Variants in PDE4D observed in about 807,000 individuals in gnomAD.
PDE4D encodes the protein phosphodiesterase 4D.
A neutral mutation model predicts 87.4 loss-of-function variants in PDE4D; 24 were observed. The observed-to-expected ratio is 0.27, with a 90% confidence interval of 0.20 to 0.39. PDE4D has a LOEUF of 0.39. PDE4D is among the 10% of genes least tolerant of loss of function. The pLI is 1.00. For missense variants in PDE4D, 714 were observed against 1,041.0 expected, an observed-to-expected ratio of 0.69 and a Z score of 4.32; for synonymous variants, 384 against 383.2, an observed-to-expected ratio of 1.00 and a Z score of -0.02.
rs138188516 is a variant in PDE4D, at chr5:60,033,031, C to T, written c.43-44314G>A. On this transcript the variant is annotated intron_variant, in intron 2 of 16. Transcript: ENST00000502484. ...TCTCTGTATCAAGAATCTGGCCCTT[C>T]TAAAAGTAGCATTTGTGATTAGAGA... The T allele has an allele frequency of 2.0e-5, 3 of 152,222 alleles. No individual in the cohort carries two copies. In the East Asian group the frequency reaches 5.8e-4, roughly 29 times the overall value. 9.4% of individuals were successfully genotyped at this position (152,222 alleles called of 1,614,324 possible). A position where few individuals can be genotyped will look rare whatever the true frequency, so the allele number is the denominator to read the frequency against.
chr5:59,350,616 C>G (rs1197343247), intron 1 of PDE4D, among the ~76,000 whole-genome samples: 1 of 152,206 alleles, frequency 6.6e-6, no homozygotes, highest in East Asian at 1.9e-4. Context: ...GTACCACACA[C>G]TCTTCCAGGC....
chr5:59,202,203 C>A (rs929291981), intron 2 of PDE4D, among the ~76,000 whole-genome samples: 1 of 151,820 alleles, frequency 6.6e-6, no homozygotes, highest in East Asian at 1.9e-4. Context: ...CCATGCCCAG[C>A]TAATTTTTTT....
chr5:60,241,271 CTTTT>C (rs371953042), intron 1 of PDE4D, among the ~76,000 whole-genome samples: 2 of 96,974 alleles, frequency 2.1e-5, no homozygotes, highest in African/African-American at 7.9e-5. Context: ...CTCTCTCTCT[CTTTT>C]TTTTTTTTTT....
In PDE4D at chr5:59,507,722, C is replaced by T. The variant is rs115883018; in HGVS notation, c.456-291754G>A. Among the ~76,000 whole-genome samples the T allele has an allele frequency of 8.2e-3, 1,164 of 142,360 alleles. 14 individuals carry two copies. Among genetic ancestry groups the T allele is most frequent in the African/African-American group, 0.028 (1,093 of 38,404 alleles). The allele number at this position is 142,360 out of a possible 152,430, so 93.4% of individuals were successfully genotyped here. ...AAAAGAAAGATAACTTTTCCAAATA[C>T]AGTGTTGAGGAAAAGAAGCTAGAGA... On this transcript the variant is annotated intron_variant, in intron 1 of 14. Transcript: ENST00000340635.
At chr5:59,715,253 G>A (rs1319470632) in intron 1 of PDE4D, among the ~76,000 whole-genome samples, 1 of 152,216 alleles carries the variant, frequency 6.6e-6, no homozygotes, top group Non-Finnish European at 1.5e-5. Flanking sequence ...AGTACGCTGA[G>A]TACAAGTCCC....
chr5:59,015,118 T>C (rs1580303010), intron 6 of PDE4D, among the ~76,000 whole-genome samples: 1 of 152,276 alleles, frequency 6.6e-6, no homozygotes, highest in East Asian at 1.9e-4. Flanking sequence ...ATACAAAAAT[T>C]AATTCAAGAC....
intron 1 of PDE4D, among the ~76,000 whole-genome samples, chr5:59,722,212 T>C (rs1434379585): frequency 2.0e-5 from 3 of 152,206 alleles, no homozygotes; most frequent in Non-Finnish European, 4.4e-5. Context: ...AGCACAACTT[T>C]AGGACAATGC....
intron 1 of PDE4D, among the ~76,000 whole-genome samples, chr5:59,889,388 G>A (rs893675002): frequency 3.3e-5 from 5 of 151,926 alleles, no homozygotes; most frequent in African/African-American, 1.2e-4. Flanking sequence ...GTCTGAGGCA[G>A]GAGGATCACT....
chr5:59,754,323 G>T (rs1760904439), intron 1 of PDE4D, among the ~76,000 whole-genome samples: 1 of 152,096 alleles, frequency 6.6e-6, no homozygotes, highest in South Asian at 2.1e-4. Context: ...GAGTGAGACT[G>T]TCTAAAAAGA....
intron 5 of PDE4D, among the ~76,000 whole-genome samples, chr5:59,092,363 T>A (rs548218675): frequency 6.6e-6 from 1 of 152,250 alleles, no homozygotes; most frequent in Non-Finnish European, 1.5e-5. Context: ...AGATCGTCTG[T>A]GGGTGTATAT....
chr5:59,152,945 G>A (rs1467267601), intron 5 of PDE4D, among the ~76,000 whole-genome samples: 1 of 152,040 alleles, frequency 6.6e-6, no homozygotes, highest in Non-Finnish European at 1.5e-5. Context: ...CTCCTCTCAA[G>A]AAAAGGAAAG....
intron 2 of PDE4D, among the ~76,000 whole-genome samples, chr5:60,089,235 T>C (rs193283981): frequency 4.6e-5 from 7 of 152,194 alleles, no homozygotes; most frequent in East Asian, 3.9e-4. Flanking sequence ...AGCTGAAGAA[T>C]GCACATTTTT....
intron 1 of PDE4D, among the ~76,000 whole-genome samples, chr5:60,239,174 T>C (rs1746784338): frequency 6.6e-6 from 1 of 152,148 alleles, no homozygotes; most frequent in Non-Finnish European, 1.5e-5. Flanking sequence ...AGGGTACTTA[T>C]TATTTTATTT....
chr5:59,941,739 G>C (rs745381134), intron 3 of PDE4D, among the ~76,000 whole-genome samples: 19 of 152,206 alleles, frequency 1.2e-4, no homozygotes, highest in Non-Finnish European at 2.8e-4. Flanking sequence ...AGCTTAGTTG[G>C]GAGGTGGCAG....
intron 1 of PDE4D, among the ~76,000 whole-genome samples, chr5:59,280,658 G>C (rs1248705871): frequency 1.3e-5 from 2 of 151,892 alleles, no homozygotes; most frequent in African/African-American, 4.8e-5. Flanking sequence ...TGTAAACAAA[G>C]AGCAATGAGT....
intron 1 of PDE4D, among the ~76,000 whole-genome samples, chr5:59,290,622 G>A (rs533685153): frequency 6.6e-6 from 1 of 151,850 alleles, no homozygotes; most frequent in African/African-American, 2.4e-5. Flanking sequence ...CACAGCAAAG[G>A]AACAATTGAC....
At chr5:60,221,645 A>G (rs564183900) in intron 1 of PDE4D, among the ~76,000 whole-genome samples, 52 of 152,276 alleles carry the variant, frequency 3.4e-4, no homozygotes, top group African/African-American at 1.2e-3. Flanking sequence ...GCAATGACAC[A>G]TAGGATTTCT....
chr5:60,082,524 T>C (rs1264748311), intron 2 of PDE4D, among the ~76,000 whole-genome samples: 1 of 152,202 alleles, frequency 6.6e-6, no homozygotes, highest in Non-Finnish European at 1.5e-5. Flanking sequence ...AGCACCATTT[T>C]TCCTCCTTGT....
At chr5:59,795,555 T>C (rs1766367367) in intron 1 of PDE4D, among the ~76,000 whole-genome samples, 1 of 152,322 alleles carries the variant, frequency 6.6e-6, no homozygotes, top group South Asian at 2.1e-4. Flanking sequence ...GAATTCTATG[T>C]TACTTCTATA....
Sources: gnomAD v4.1 joint callset for allele counts (sites outside exome capture counted in the v4.1 genomes callset) on GRCh38, gnomAD v4.1.1 for gene constraint, MANE v1.5 for transcripts, NCBI Gene and HGNC (gene_info 2026-07-23, HGNC 2026-07-21) for gene names.